Variants in COL4A2 observed in about 807,000 individuals in gnomAD.
COL4A2 encodes collagen alpha-2(IV) chain.
Under a neutral mutation model 200.2 loss-of-function variants are expected in COL4A2, and 99 were observed. That is an observed-to-expected ratio of 0.49 (90% CI 0.42 to 0.58). COL4A2 has a LOEUF of 0.58. COL4A2 is among the 20% of genes least tolerant of loss of function. The probability of loss-of-function intolerance (pLI) is 0.00; values close to 1 mark genes in which losing one functional copy is unlikely to be tolerated. For synonymous variants in COL4A2, 897 were observed against 900.6 expected, an observed-to-expected ratio of 1.00 and a Z score of 0.07; for missense variants, 1,950 against 2,314.1, an observed-to-expected ratio of 0.84 and a Z score of 3.23.
rs189690325 is a variant in COL4A2 at position 110,381,263 on chromosome 13, C to T, written c.180+23711C>T. ...CACACCCATGGGCTCTATCTCACAC[C>T]CACGGACTCTATCTCACGCCCACCG... On this transcript the variant is annotated intron_variant, in intron 4 of 47. Transcript: ENST00000360467. Among the ~76,000 whole-genome samples the T allele has an allele frequency of 6.6e-5, 10 of 152,130 alleles. No individual in the cohort carries two copies. The East Asian group carries it at 1.9e-3, about 29-fold the overall frequency.
intron 4 of COL4A2, among the ~76,000 whole-genome samples, chr13:110,402,183 T>C (rs1317853705): frequency 1.3e-5 from 2 of 152,234 alleles, no homozygotes; most frequent in Admixed American, 6.5e-5. Flanking sequence ...CAGTCTCATC[T>C]AAATATCATC....
intron 3 of COL4A2, among the ~76,000 whole-genome samples, chr13:110,311,775 G>T (rs1011771455): frequency 6.6e-6 from 1 of 152,196 alleles, no homozygotes; most frequent in Non-Finnish European, 1.5e-5. Flanking sequence ...CAGCCGGCTG[G>T]GTGGTCACCT....
intron 3 of COL4A2, among the ~76,000 whole-genome samples, chr13:110,330,333 G>A (rs534063049): frequency 3.3e-5 from 5 of 152,250 alleles, no homozygotes; most frequent in African/African-American, 9.6e-5. Flanking sequence ...GCTGTAACAC[G>A]ATGTTTTACT....
chr13:110,376,252 A>G (rs774796471), intron 4 of COL4A2, among the ~76,000 whole-genome samples: 1 of 152,182 alleles, frequency 6.6e-6, no homozygotes, highest in Non-Finnish European at 1.5e-5. Flanking sequence ...AAGTAAGGAA[A>G]TAGTCTCTTA....
intron 6 of COL4A2, among the ~76,000 whole-genome samples, chr13:110,427,576 G>C (rs1430735226): frequency 1.3e-5 from 2 of 152,190 alleles, no homozygotes; most frequent in African/African-American, 2.4e-5. Flanking sequence ...AAGTTTAAAA[G>C]TAACTACACA....
At chr13:110,463,113 C>T (rs1207851705) in intron 24 of COL4A2, 2 of 154,566 alleles carry the variant, frequency 1.3e-5, no homozygotes, top group Non-Finnish European at 2.9e-5. Context: ...TATGGTCTCA[C>T]AGCTCTGGAG....
At position 110,451,522 on chromosome 13, in the gene COL4A2, C is replaced by T. The variant is rs556088475; in HGVS notation, c.1339+1068C>T. 1.9e-4 allele frequency among the ~76,000 whole-genome samples: 29 copies of T among 152,270 alleles called. 1 individual carries two copies. Among genetic ancestry groups the T allele is most frequent in the African/African-American group, 6.7e-4 (28 of 41,556 alleles). ...CAATCATGGCAGAAGGGGAAGCAAA[C>T]ATGTCCTTCTTCGTGGCATCAGGAA... is the stretch of plus-strand genomic sequence containing the variant. On this transcript the variant is annotated intron_variant, in intron 20 of 47. Transcript: ENST00000360467.
At chr13:110,342,413 A>G (rs4773160) in intron 3 of COL4A2, among the ~76,000 whole-genome samples, 141,225 of 152,238 alleles carry the variant, frequency 0.93, 66,459 homozygotes, top group Middle Eastern at 1. Context: ...CTTGAACAAT[A>G]ACAGTGTTGA....
At chr13:110,312,937 A>G (rs554980290) in intron 3 of COL4A2, among the ~76,000 whole-genome samples, 1 of 152,302 alleles carries the variant, frequency 6.6e-6, no homozygotes, top group East Asian at 1.9e-4. Flanking sequence ...AGTAAGTTAG[A>G]GGTCAGCAGT....
chr13:110,480,658 C>T (rs958098006), intron 31 of COL4A2, among the ~76,000 whole-genome samples: 1 of 152,208 alleles, frequency 6.6e-6, no homozygotes, highest in Non-Finnish European at 1.5e-5. Context: ...TGGGAAACAT[C>T]GTCTTATTGT....
chr13:110,391,790 G>A (rs758387666), intron 4 of COL4A2, among the ~76,000 whole-genome samples: 1 of 152,210 alleles, frequency 6.6e-6, no homozygotes, highest in Non-Finnish European at 1.5e-5. Flanking sequence ...CTAAAAGGCA[G>A]CCTCCACCCG....
At chr13:110,385,459 G>A (rs1326709840) in intron 4 of COL4A2, among the ~76,000 whole-genome samples, 1 of 141,938 alleles carries the variant, frequency 7.0e-6, no homozygotes, top group Admixed American at 6.7e-5. Context: ...GCTGCAGTGT[G>A]TGGATAGGCC....
intron 4 of COL4A2, among the ~76,000 whole-genome samples, chr13:110,384,801 C>T (rs1385141853): frequency 6.6e-6 from 1 of 152,224 alleles, no homozygotes; most frequent in East Asian, 1.9e-4. Context: ...GGAGGATGCT[C>T]CTTCCCTGGC....
rs142106231 is a variant in COL4A2 at position 110,341,615 on chromosome 13, A to G, written c.100-15857A>G. Among the ~76,000 whole-genome samples, 776 of 152,354 alleles carry G rather than the reference A, an allele frequency of 5.1e-3. 5 individuals carry two copies. The highest frequency in any genetic ancestry group is 0.018 in the African/African-American group (753 of 41,588). On this transcript the variant is annotated intron_variant, in intron 3 of 47. Transcript: ENST00000360467. ...TCAGTAACAACTCCACTTTGAGAGG[A>G]GCAGAGCAGGAGCCTTCCTTAGGTG...
At chr13:110,486,258 C>T (rs1883115695) in intron 34 of COL4A2, among the ~76,000 whole-genome samples, 1 of 152,216 alleles carries the variant, frequency 6.6e-6, no homozygotes, top group African/African-American at 2.4e-5. Flanking sequence ...AGCCTTTGTT[C>T]AGCGGATGTC....
chr13:110,408,830 CACACAT>C (rs1879691410), intron 4 of COL4A2, among the ~76,000 whole-genome samples: 8 of 119,090 alleles, frequency 6.7e-5, no homozygotes, highest in Admixed American at 9.4e-5. Flanking sequence ...CACATGCACA[CACACAT>C]ACACGCACAC....
At position 110,503,180 on chromosome 13, in the gene COL4A2, AC is replaced by A. The variant is rs1411927038; in HGVS notation, c.3938del (p.Thr1313LysfsTer146). On this transcript the variant is annotated frameshift_variant, in exon 42 of 48. Transcript: ENST00000360467. LOFTEE classifies it high-confidence loss of function. ...TGCTCTTCCTGGAAGCAAAGGTGAC[AC>A]AGGGAACCCAGGAGCTCCAGGAACC... ...SAALPGSKGD[T>X]GNPGAPGTPG... 3 of 1,613,860 alleles carry A rather than the reference AC, an allele frequency of 1.9e-6. No individual in the cohort carries two copies. Among genetic ancestry groups the A allele is most frequent in the Non-Finnish European group, 2.5e-6 (3 of 1,179,994 alleles).
In COL4A2 at chr13:110,493,191, G is replaced by A. The variant is rs767961007; in HGVS notation, c.3563-20G>A. On this transcript the variant is annotated intron_variant, in intron 38 of 47. Transcript: ENST00000360467. ...CACCCCCGCAGGTGAAATAAATAAC[G>A]ATGAGTGACACCCCCGCAGGTTTTC... 24 of 1,613,540 alleles carry A rather than the reference G, an allele frequency of 1.5e-5. No homozygotes were observed. Among genetic ancestry groups the A allele is most frequent in the Admixed American group, 3.3e-5 (2 of 59,986 alleles).
At chr13:110,509,266 TATATACACAC>T (rs1162218839) in intron 47 of COL4A2, among the ~76,000 whole-genome samples, 48 of 118,316 alleles carry the variant, frequency 4.1e-4, no homozygotes, top group Admixed American at 6.0e-4. Flanking sequence ...TATATATATA[TATATACACAC>T]ACACACACAC....
Sources: gnomAD v4.1 joint callset for allele counts (sites outside exome capture counted in the v4.1 genomes callset) on GRCh38, gnomAD v4.1.1 for gene constraint, MANE v1.5 for transcripts, NCBI Gene and HGNC (gene_info 2026-07-23, HGNC 2026-07-21) for gene names.